FKBP1B: variants seen among roughly 807,000 people sequenced by gnomAD.
The protein encoded by FKBP1B is FKBP prolyl isomerase 1B.
Under a neutral mutation model 13.5 loss-of-function variants are expected in FKBP1B, and 4 were observed. That is an observed-to-expected ratio of 0.30 (90% CI 0.15 to 0.68). The LOEUF (loss-of-function observed/expected upper bound fraction) is 0.68, where lower values mean the gene tolerates loss of function less well. Ranked by LOEUF, FKBP1B falls within the 30% of genes least tolerant of loss-of-function variation. The pLI, the probability that FKBP1B is intolerant of heterozygous loss-of-function variation, is 0.76. For missense variants in FKBP1B, 93 were observed against 136.2 expected, an observed-to-expected ratio of 0.68 and a Z score of 1.58; for synonymous variants, 54 against 53.6, an observed-to-expected ratio of 1.01 and a Z score of -0.03.
chr2:24,036,699 A>G, the FKBP1B span, among the ~76,000 whole-genome samples: 1 of 152,224 alleles, frequency 6.6e-6, no homozygotes, highest in Admixed American at 6.5e-5. Context: ...TCAACAAGGG[A>G]ATGGCTAAAT....
the FKBP1B span, chr2:24,038,169 A>C: frequency 1.1e-5 from 18 of 1,614,092 alleles, no homozygotes; most frequent in Non-Finnish European, 1.4e-5. Flanking sequence ...TCTGGCTTTC[A>C]CCTGATGTTA....
At chr2:24,058,096 C>A (rs532957553) in intron 2 of FKBP1B, among the ~76,000 whole-genome samples, 49 of 151,706 alleles carry the variant, frequency 3.2e-4, no homozygotes, top group African/African-American at 8.7e-4. Context: ...ACTCGGGAGG[C>A]TGAGACAGGA....
chr2:24,049,121 A>G (rs941749845), upstream of FKBP1B, among the ~76,000 whole-genome samples: 2 of 152,176 alleles, frequency 1.3e-5, no homozygotes, highest in African/African-American at 4.8e-5. Context: ...TCTGAACTGC[A>G]CGGCACTGAG....
chr2:24,045,405 C>CA (rs1292213309), upstream of FKBP1B, among the ~76,000 whole-genome samples: 3 of 151,788 alleles, frequency 2.0e-5, no homozygotes, highest in Non-Finnish European at 4.4e-5. Flanking sequence ...AGTTCGACAC[C>CA]ACCCTGGCCA....
the FKBP1B span, among the ~76,000 whole-genome samples, chr2:24,040,208 G>T: frequency 2.6e-5 from 4 of 152,096 alleles, no homozygotes; most frequent in Non-Finnish European, 5.9e-5. Context: ...ATGTCATGAT[G>T]CCTACAATGT....
At chr2:24,037,308 C>G in the FKBP1B span, among the ~76,000 whole-genome samples, 1 of 152,210 alleles carries the variant, frequency 6.6e-6, no homozygotes, top group African/African-American at 2.4e-5. Context: ...CAGGCGTGAG[C>G]CATGGAGCCC....
chr2:24,036,065 A>AAAATAAATAAATAAATAAAT, the FKBP1B span, among the ~76,000 whole-genome samples: 39 of 140,404 alleles, frequency 2.8e-4, no homozygotes, highest in South Asian at 6.7e-4. Context: ...CTCCGTCTCA[A>AAAATAAATAAATAAATAAAT]AAATAAATAA....
rs978328221 is a variant in FKBP1B, at chr2:24,062,791, A to G, written c.199-273A>G. ...ACAAATGGAAGTGTTTCAGTCATAC[A>G]CAAATTGAATAACCAGTAATGTTTG... is the stretch of plus-strand genomic sequence containing the variant. On this transcript the variant is annotated intron_variant, in intron 3 of 3. Coordinates refer to ENST00000380986, the MANE Select transcript of FKBP1B (RefSeq NM_004116.5). 4.1e-4 allele frequency among the ~76,000 whole-genome samples: 63 copies of G among 152,228 alleles called. 1 individual carries two copies. Among genetic ancestry groups the G allele is most frequent in the African/African-American group, 1.2e-3 (49 of 41,458 alleles).
At chr2:24,033,419 T>C in the FKBP1B span, among the ~76,000 whole-genome samples, 1 of 152,156 alleles carries the variant, frequency 6.6e-6, no homozygotes, top group East Asian at 1.9e-4. Flanking sequence ...AAAGCACAAA[T>C]AAAAATAAAT....
chr2:24,034,143 G>A, the FKBP1B span, among the ~76,000 whole-genome samples: 3 of 152,168 alleles, frequency 2.0e-5, no homozygotes, highest in Admixed American at 6.5e-5. Context: ...TAATAGGGCC[G>A]GGTGTGGTGG....
At chr2:24,062,170 T>TTTTA (rs949424166) in intron 3 of FKBP1B, among the ~76,000 whole-genome samples, 38 of 151,790 alleles carry the variant, frequency 2.5e-4, no homozygotes, top group Non-Finnish European at 2.6e-4. Flanking sequence ...GTTTTTTGTT[T>TTTTA]TTTATTTATT....
chr2:24,063,182 A>C lies in FKBP1B; in HGVS notation c.317A>C (p.Asn106Thr). 6.3e-7 allele frequency: 1 copy of C among 1,595,788 alleles called. No homozygotes were observed. The highest frequency in any genetic ancestry group is 2.2e-5 in the East Asian group (1 of 44,608). The change falls in exon 4 of 4, where the codon AAC (asparagine) becomes ACC (threonine). Residue 106 changes from asparagine to threonine, a missense_variant. Transcript: ENST00000380986. ...ATLIFDVELLNLE is the reference protein window; with the variant it reads ...ATLIFDVELLTLE ...CTCATCTTTGACGTGGAGCTGCTCA[A>C]CTTAGAGTGAAGGCAGGAAGGAACT...
At chr2:24,035,630 T>C in the FKBP1B span, among the ~76,000 whole-genome samples, 1 of 152,030 alleles carries the variant, frequency 6.6e-6, no homozygotes, top group African/African-American at 2.4e-5. Flanking sequence ...AAATCAAAAC[T>C]ATGGCTGGGT....
chr2:24,036,483 G>A, the FKBP1B span, among the ~76,000 whole-genome samples: 1 of 152,216 alleles, frequency 6.6e-6, no homozygotes, highest in South Asian at 2.1e-4. Context: ...GCGGGCGTGT[G>A]ATGATGCACT....
At chr2:24,037,833 A>C in the FKBP1B span, 1 of 1,614,192 alleles carries the variant, frequency 6.2e-7, no homozygotes, top group Admixed American at 1.7e-5. Flanking sequence ...ACAGCTGATA[A>C]GTTTCCTTTT....
rs1663830260 is a variant in FKBP1B, at chr2:24,050,768, A to C, written c.37+882A>C. On this transcript the variant is annotated intron_variant, in intron 1 of 3. Transcript: ENST00000380986. This position sits in a 1 kb window ranked among gnomAD's most constrained non-coding sequence, Gnocchi z 5.8. The stretch of plus-strand genomic sequence containing the variant: ...ATGGGCAAACTTCATATCAGATATT[A>C]TTAATATGAACAGCTCCCCTCCCCA... Among the ~76,000 whole-genome samples, 1 of 152,206 alleles carries C rather than the reference A, an allele frequency of 6.6e-6. No homozygotes were observed. The highest frequency in any genetic ancestry group is 6.5e-5 in the Admixed American group (1 of 15,284).
the FKBP1B span, among the ~76,000 whole-genome samples, chr2:24,035,381 A>T: frequency 1.3e-5 from 2 of 152,268 alleles, no homozygotes; most frequent in Admixed American, 1.3e-4. Context: ...TGCATAAAGA[A>T]ATAAAAATAA....
upstream of FKBP1B, among the ~76,000 whole-genome samples, chr2:24,047,889 T>G (rs1409056229): frequency 6.6e-6 from 1 of 152,242 alleles, no homozygotes; most frequent in East Asian, 1.9e-4. Context: ...ATGGATTTAG[T>G]GCGTCCCTTA....
At chr2:24,036,804 A>G in the FKBP1B span, among the ~76,000 whole-genome samples, 1 of 152,340 alleles carries the variant, frequency 6.6e-6, no homozygotes, top group Non-Finnish European at 1.5e-5. Flanking sequence ...CTATATATCT[A>G]TGTACACAAA....
Sources: gnomAD v4.1 joint callset for allele counts (sites outside exome capture counted in the v4.1 genomes callset) on GRCh38, gnomAD v4.1.1 for gene constraint, Gnocchi (gnomAD v3.1) non-coding constraint, MANE v1.5 for transcripts, NCBI Gene and HGNC (gene_info 2026-07-23, HGNC 2026-07-21) for gene names.